Variants in UNC93B1 observed in about 807,000 individuals in gnomAD.
The protein encoded by UNC93B1 is unc-93B1 regulator of TLR signaling.
In UNC93B1, 33 loss-of-function variants were observed where a neutral mutation model predicts 56.8. The ratio of observed to expected loss-of-function variants is 0.58; its 90% confidence interval spans 0.44 to 0.78. The LOEUF is 0.78. Among genes scored for constraint, UNC93B1 ranks in the 30% least tolerant of loss-of-function variants. The pLI is 0.00. For synonymous variants in UNC93B1, 334 were observed against 358.6 expected (o/e 0.93, Z 0.77); for missense variants, 673 against 819.5 (o/e 0.82, Z 2.18).
chr11:67,999,596 G>A lies in UNC93B1; in HGVS notation c.477C>T (p.Tyr159=), dbSNP rs763240987. 6.2e-7 allele frequency: 1 copy of A among 1,604,822 alleles called. No individual in the cohort carries two copies. The highest frequency in any genetic ancestry group is 8.5e-7 in the Non-Finnish European group (1 of 1,175,954). ...GGGCCACAGCCGAGGGCACAAGCGT[G>A]TAGTAGCGCTCCCAGTAGTTGGTGG... ...FVSTNYWERY[Y]TLVPSAVALG... The change falls in exon 4 of 11, where the codon TAC becomes TAT. Residue 159 remains tyrosine, a synonymous_variant. Transcript: ENST00000227471.
intron 9 of UNC93B1, among the ~76,000 whole-genome samples, 176 bp downstream of exon 9, chr11:67,995,435 C>T (rs962102123): frequency 1.3e-5 from 2 of 152,066 alleles, no homozygotes; most frequent in African/African-American, 2.4e-5. Flanking sequence ...ACTTCCCTTC[C>T]ACCCCCGGAG....
chr11:68,001,692 T>TAA (rs35024620), intron 3 of UNC93B1, among the ~76,000 whole-genome samples: 7 of 145,494 alleles, frequency 4.8e-5, no homozygotes, highest in African/African-American at 1.8e-4. Flanking sequence ...ACACATAATT[T>TAA]AAAAAAAAAA....
chr11:67,993,293 G>T (rs2662638), intron 10 of UNC93B1, among the ~76,000 whole-genome samples: 1 of 152,208 alleles, frequency 6.6e-6, no homozygotes, highest in Non-Finnish European at 1.5e-5. Context: ...CCGGCCTTTA[G>T]TTCTATTTTT....
At position 67,995,774 on chromosome 11, in the gene UNC93B1, T is replaced by C. The variant is rs774307547; in HGVS notation, c.1200A>G (p.Pro400=). The C allele has an allele frequency of 3.2e-5, 49 of 1,548,080 alleles. No individual in the cohort carries two copies. In the African/African-American group the frequency reaches 6.2e-4, roughly 19 times the overall value. The change falls in exon 9 of 11, where the codon CCA becomes CCG. Residue 400 remains proline, a synonymous_variant. Transcript: ENST00000227471. ...CTCCGGCCACCAGGGGCACCGGGCG[T>C]GGCAGCCACAGGCCCAGCAGGCCCA... The part of the protein sequence containing the change: ...SLLGLLGLWL[P]RPVPLVAGAG...
At position 67,997,815 on chromosome 11, in the gene UNC93B1, G is replaced by T. The variant is rs373991204; in HGVS notation, c.782-16C>A. The T allele has an allele frequency of 8.2e-5, 132 of 1,603,178 alleles. 1 individual carries two copies. The African/African-American group carries it at 1.6e-3, about 20-fold the overall frequency. ...CTGTTGGTGCCTGGGAAGGGTGGGG[G>T]TGAGGGCACCGTGAGCAGAGAGTAG... On this transcript the variant is annotated splice_polypyrimidine_tract_variant and intron_variant, in intron 6 of 10. Transcript: ENST00000227471.
chr11:67,999,865 T>C (rs1857017307), intron 3 of UNC93B1, among the ~76,000 whole-genome samples, 185 bp from the exon 4 acceptor site: 1 of 152,196 alleles, frequency 6.6e-6, no homozygotes, highest in Non-Finnish European at 1.5e-5. Context: ...CTACTGTGCC[T>C]CAGTTTTCCC....
chr11:68,003,923 C>A lies in UNC93B1; in HGVS notation c.96+25G>T, dbSNP rs1284741950. ...CCCTGGCCCACAGGGGACGCCCGCG[C>A]CTCGCACTCCGGGTCCCCGCTCACC... is the stretch of plus-strand genomic sequence containing the variant. On this transcript the variant is annotated intron_variant, in intron 1 of 10. Coordinates refer to ENST00000227471, the MANE Select transcript of UNC93B1 (RefSeq NM_030930.4). This position sits in a 1 kb window ranked among gnomAD's most constrained non-coding sequence, Gnocchi z 4.4. 7 of 1,363,936 alleles carry A rather than the reference C, an allele frequency of 5.1e-6. No homozygotes were observed. The East Asian group carries it at 1.3e-4, about 25-fold the overall frequency. The allele number at this position is 1,363,936 out of a possible 1,614,324, so 84.5% of individuals were successfully genotyped here. A position where few individuals can be genotyped will look rare whatever the true frequency, so the allele number is the denominator to read the frequency against.
At chr11:67,999,744 AC>A (rs1347307221) in intron 3 of UNC93B1, 64 bp from the exon 4 acceptor site, 1 of 1,564,636 alleles carries the variant, frequency 6.4e-7, no homozygotes, top group Non-Finnish European at 8.7e-7. Flanking sequence ...CTGAAGCCAA[AC>A]GGGGCCACAA....
Position 67,998,391 on chromosome 11 carries a change from A to G in UNC93B1, c.749T>C (p.Leu250Pro). ...CTGCACATTGTACAGCGTGTGGTTC[A>G]GGTCATACAGGTAGTGGTTCAGGAA... ...IYFLNHYLYDLNHTLYNVQSC... is the reference protein window; with the variant it reads ...IYFLNHYLYDPNHTLYNVQSC... Residue 250 changes from leucine (L) to proline (P), a missense_variant, in exon 6 of 11, where the codon CTG becomes CCG. By Grantham distance (98) the Leu-to-Pro change is moderately conservative (BLOSUM62 -3). Transcript: ENST00000227471. The G allele has an allele frequency of 6.2e-7, 1 of 1,613,986 alleles. No homozygotes were observed. The highest frequency in any genetic ancestry group is 8.5e-7 in the Non-Finnish European group (1 of 1,179,870).
Position 68,003,828 on chromosome 11 carries a change from C to T in UNC93B1, c.97-30G>A. 6.9e-7 allele frequency: 1 copy of T among 1,448,860 alleles called. No homozygotes were observed. The highest frequency in any genetic ancestry group is 9.1e-7 in the Non-Finnish European group (1 of 1,103,172). The allele number at this position is 1,448,860 out of a possible 1,614,324, so 89.8% of individuals were successfully genotyped here. A position where few individuals can be genotyped will look rare whatever the true frequency, so the allele number is the denominator to read the frequency against. ...GAGCCACGCACGCCGCTCGCACCCG[C>T]GATCGCGCCCCGAACCCGTGTCCCC... On this transcript the variant is annotated intron_variant, in intron 1 of 10. Transcript: ENST00000227471. The surrounding 1 kb of genome is among the most constrained non-coding windows in gnomAD (Gnocchi z 4.4).
At chr11:67,997,524 C>T in intron 7 of UNC93B1, 151 bp downstream of exon 7, 2 of 1,356,408 alleles carry the variant, frequency 1.5e-6, no homozygotes, top group Non-Finnish European at 2.0e-6. Flanking sequence ...CCTAGCTCCC[C>T]AACTCAGATC....
chr11:68,002,406 G>T (rs1446063984), intron 3 of UNC93B1, among the ~76,000 whole-genome samples: 1 of 152,154 alleles, frequency 6.6e-6, no homozygotes, highest in African/African-American at 2.4e-5. Context: ...TGTTTAAATG[G>T]AGTTTTCTCT....
intron 10 of UNC93B1, among the ~76,000 whole-genome samples, chr11:67,992,321 C>G (rs534464054): frequency 1.3e-5 from 2 of 152,182 alleles, no homozygotes; most frequent in South Asian, 4.1e-4. Flanking sequence ...ACTTCCTGCT[C>G]TTTTCTTTTT....
intron 10 of UNC93B1, among the ~76,000 whole-genome samples, chr11:67,992,101 G>A (rs1418545138): frequency 6.6e-6 from 1 of 152,244 alleles, no homozygotes; most frequent in African/African-American, 2.4e-5. Flanking sequence ...CACTGTAAGG[G>A]GACAATGCAA....
intron 7 of UNC93B1, among the ~76,000 whole-genome samples, chr11:67,997,011 C>T (rs1856959529): frequency 6.6e-6 from 1 of 152,130 alleles, no homozygotes; most frequent in Non-Finnish European, 1.5e-5. Context: ...CTCCGAAAGA[C>T]GGTGGTCTTG....
rs1333223022 is a variant in UNC93B1 at position 67,991,738 on chromosome 11, G to C, written c.1602C>G (p.His534Gln). 2 of 1,538,226 alleles carry C rather than the reference G, an allele frequency of 1.3e-6. No homozygotes were observed. The highest frequency in any genetic ancestry group is 1.7e-6 in the Non-Finnish European group (2 of 1,149,238). Residue 534 changes from histidine (H) to glutamine (Q), a missense_variant, in exon 11 of 11, where the codon CAC becomes CAG. His to Gln is a conservative substitution (Grantham distance 24, BLOSUM62 0). Around this residue, in one of 3 missense-constraint regions of UNC93B1, gnomAD observed 155 missense variants for 268.3 expected, o/e 0.58. Transcript: ENST00000227471. ...CCAAGTAGCGGTAACCGCGCACCTT[G>C]TGCTGGGGCCGCGGGATGCGGGGCT... ...PRQPRIPRPQ[H>Q]KVRGYRYLEE...
intron 3 of UNC93B1, among the ~76,000 whole-genome samples, 155 bp from the exon 4 acceptor site, chr11:67,999,835 G>A (rs1437973364): frequency 6.6e-6 from 1 of 152,244 alleles, no homozygotes; most frequent in Non-Finnish European, 1.5e-5. Context: ...ACACAGACTT[G>A]CTGAGTGGCC....
chr11:67,999,679 A>C lies in UNC93B1; in HGVS notation c.394T>G (p.Phe132Val). Residue 132 changes from phenylalanine to valine, a missense_variant and splice_region_variant, in exon 4 of 11, where the codon TTT becomes GTT. Physicochemically the swap from Phe to Val is conservative, Grantham distance 50. Transcript: ENST00000227471. ...AACATCATCCACTTCGTTCCAAAAAACCTGCGGACAGTGGGAGAGATGCTG... is the reference window on the plus strand; with the variant it reads ...AACATCATCCACTTCGTTCCAAAAACCCTGCGGACAGTGGGAGAGATGCTG... ...ALLYTPVLIR[F>V]FGTKWMMFLA... 2 of 1,610,444 alleles carry C rather than the reference A, an allele frequency of 1.2e-6. No homozygotes were observed. The highest frequency in any genetic ancestry group is 8.5e-7 in the Non-Finnish European group (1 of 1,178,642).
At chr11:68,002,021 C>G (rs1234010638) in intron 3 of UNC93B1, among the ~76,000 whole-genome samples, 1 of 152,062 alleles carries the variant, frequency 6.6e-6, no homozygotes, top group African/African-American at 2.4e-5. Flanking sequence ...CGCCTGTAAT[C>G]CCAGCTACTC....
Sources: allele counts gnomAD v4.1 joint callset (sites outside exome capture counted in the v4.1 genomes callset), GRCh38; gene constraint gnomAD v4.1.1; regional missense constraint gnomAD v4.1.1; non-coding constraint Gnocchi (gnomAD v3.1); transcripts MANE v1.5; gene names NCBI Gene and HGNC (gene_info 2026-07-23, HGNC 2026-07-21).